Variants in NOS1AP observed in about 807,000 individuals in gnomAD.
NOS1AP encodes carboxyl-terminal PDZ ligand of neuronal nitric oxide synthase protein.
A neutral mutation model predicts 56.2 loss-of-function variants in NOS1AP; 21 were observed. That is an observed-to-expected ratio of 0.37 (90% CI 0.26 to 0.54). The LOEUF (loss-of-function observed/expected upper bound fraction) is 0.54, where lower values mean the gene tolerates loss of function less well. NOS1AP is among the 20% of genes least tolerant of loss of function. The pLI, the probability that NOS1AP is intolerant of heterozygous loss-of-function variation, is 0.84. For missense variants in NOS1AP, 522 were observed against 657.8 expected (o/e 0.79, Z 2.26); for synonymous variants, 270 against 274.6 (o/e 0.98, Z 0.17).
At position 162,152,722 on chromosome 1, in the gene NOS1AP, A is replaced by AT. The variant is rs572439478; in HGVS notation, c.106-1683_106-1682insT. ...CTGTGTTCTTCAGTGTATTAGCACA[A>AT]ACTGTTGATCAATACTAGGGGAAAT... On this transcript the variant is annotated intron_variant, in intron 1 of 9. Coordinates refer to ENST00000361897, the MANE Select transcript of NOS1AP (RefSeq NM_014697.3). Among the ~76,000 whole-genome samples, 389 of 152,352 alleles carry AT rather than the reference A, an allele frequency of 2.6e-3. 1 individual carries two copies. Among genetic ancestry groups the AT allele is most frequent in the Admixed American group, 9.9e-3 (152 of 15,310 alleles).
At chr1:162,194,772 G>A (rs1651753019) in intron 2 of NOS1AP, among the ~76,000 whole-genome samples, 1 of 152,120 alleles carries the variant, frequency 6.6e-6, no homozygotes, top group Non-Finnish European at 1.5e-5. Flanking sequence ...ACACAGAAGG[G>A]GAGGCAAGAG....
chr1:162,216,869 A>G (rs754526801), intron 2 of NOS1AP, among the ~76,000 whole-genome samples: 1 of 152,218 alleles, frequency 6.6e-6, no homozygotes, highest in Non-Finnish European at 1.5e-5. Flanking sequence ...AATGAGTAAG[A>G]CAGCATAGCA....
chr1:162,355,417 C>T, intron 7 of NOS1AP, 64 bp downstream of exon 7: 3 of 1,598,654 alleles, frequency 1.9e-6, no homozygotes, highest in Non-Finnish European at 2.6e-6. Context: ...TCAGTCACTT[C>T]CTAGCCCCTG....
At chr1:162,221,389 C>T (rs1259972068) in intron 2 of NOS1AP, among the ~76,000 whole-genome samples, 1 of 152,130 alleles carries the variant, frequency 6.6e-6, no homozygotes, top group South Asian at 2.1e-4. Context: ...TAAATTACAA[C>T]TAGAATCTTT....
intron 2 of NOS1AP, among the ~76,000 whole-genome samples, chr1:162,168,012 A>AAT (rs1650583217): frequency 8.6e-5 from 13 of 152,014 alleles, no homozygotes. Context: ...AAAAAAAAAA[A>AAT]ATACCAGTGA....
At chr1:162,084,836 A>G (rs900145271) in intron 1 of NOS1AP, among the ~76,000 whole-genome samples, 1 of 151,798 alleles carries the variant, frequency 6.6e-6, no homozygotes. Flanking sequence ...TGGCCTGGCT[A>G]AATTTTGGAT....
At chr1:162,093,989 CT>C (rs1373439670) in intron 1 of NOS1AP, among the ~76,000 whole-genome samples, 4 of 152,186 alleles carry the variant, frequency 2.6e-5, no homozygotes, top group Non-Finnish European at 5.9e-5. Context: ...TCTAATGTTC[CT>C]TCTGGCAGCC....
intron 2 of NOS1AP, among the ~76,000 whole-genome samples, chr1:162,165,335 A>T (rs983780028): frequency 4.6e-5 from 7 of 152,084 alleles, no homozygotes; most frequent in Non-Finnish European, 8.8e-5. Flanking sequence ...AAAAAGAAAG[A>T]CTTCCTCAAA....
chr1:162,141,610 C>T (rs78694717), intron 1 of NOS1AP, among the ~76,000 whole-genome samples: 11,700 of 152,266 alleles, frequency 0.077, 676 homozygotes, highest in East Asian at 0.21. Context: ...TTTCACTGAT[C>T]GCCCTTGTGT....
chr1:162,223,952 G>A (rs148663197), intron 2 of NOS1AP, among the ~76,000 whole-genome samples: 152 of 152,288 alleles, frequency 1.0e-3, no homozygotes, highest in African/African-American at 3.5e-3. Context: ...TGGATACGGT[G>A]CATGGATCAT....
In NOS1AP at chr1:162,154,501, T is replaced by C. The variant is rs1482257579; in HGVS notation, c.177+25T>C. Reference sequence around the variant, plus strand: ...GGTGAGTGGCCAGAGGTGGACTGTGTGGAGCGGGGAGTCAAGTGCCTTAGC... The same window carrying C: ...GGTGAGTGGCCAGAGGTGGACTGTGCGGAGCGGGGAGTCAAGTGCCTTAGC... On this transcript the variant is annotated intron_variant, in intron 2 of 9. Transcript: ENST00000361897. 6 of 1,612,450 alleles carry C rather than the reference T, an allele frequency of 3.7e-6. 1 individual carries two copies. The South Asian group carries it at 6.6e-5, about 18-fold the overall frequency.
chr1:162,149,355 C>T (rs1037181634), intron 1 of NOS1AP, among the ~76,000 whole-genome samples: 3 of 151,992 alleles, frequency 2.0e-5, no homozygotes, highest in Non-Finnish European at 4.4e-5. Flanking sequence ...GGAGGGTCTG[C>T]CTGAGTTCAG....
chr1:162,327,080 C>T (rs1037645007), intron 4 of NOS1AP, among the ~76,000 whole-genome samples: 1 of 152,132 alleles, frequency 6.6e-6, no homozygotes, highest in Non-Finnish European at 1.5e-5. Flanking sequence ...ACCCTGAATG[C>T]ATTAGGCTTA....
Position 162,333,034 on chromosome 1 carries a change from A to T in NOS1AP, c.362A>T (p.His121Leu). Residue 121 changes from histidine to leucine, a missense_variant, in exon 5 of 10, where the codon CAT becomes CTT. By Grantham distance (99) the His-to-Leu change is moderately conservative. This residue lies in a region of NOS1AP where 132 missense variants were observed against 218.1 expected (regional missense o/e 0.61). Coordinates refer to ENST00000361897, the MANE Select transcript of NOS1AP (RefSeq NM_014697.3). The stretch of plus-strand genomic sequence containing the variant: ...TCCTTTAGGATCTTCTATGTCTCTC[A>T]TGATTCCCAAGACTTGAAGATCTTC... ...DPIYRIFYVS[H>L]DSQDLKIFSY... 3 of 1,613,426 alleles carry T rather than the reference A, an allele frequency of 1.9e-6. No individual in the cohort carries two copies. The highest frequency in any genetic ancestry group is 2.5e-6 in the Non-Finnish European group (3 of 1,179,420).
intron 2 of NOS1AP, among the ~76,000 whole-genome samples, chr1:162,172,744 A>G (rs1338861867): frequency 2.0e-5 from 3 of 152,016 alleles, no homozygotes; most frequent in Non-Finnish European, 4.4e-5. Flanking sequence ...GTTTGTTTTC[A>G]TCTCAAGGTT....
intron 4 of NOS1AP, among the ~76,000 whole-genome samples, chr1:162,315,231 G>A (rs973955706): frequency 3.3e-5 from 5 of 152,186 alleles, no homozygotes; most frequent in African/African-American, 1.2e-4. Flanking sequence ...AACCCCAAAG[G>A]TAAATAAAGA....
intron 2 of NOS1AP, among the ~76,000 whole-genome samples, chr1:162,233,279 A>G (rs4657177): frequency 0.034 from 5,234 of 152,244 alleles, 126 homozygotes; most frequent in Middle Eastern, 0.051. Flanking sequence ...AGAGCTTGCT[A>G]AGTAGCTCCT....
At chr1:162,255,617 G>A (rs961164477) in intron 2 of NOS1AP, among the ~76,000 whole-genome samples, 52 of 147,692 alleles carry the variant, frequency 3.5e-4, no homozygotes, top group African/African-American at 1.3e-3. Flanking sequence ...ATGCTGATCA[G>A]GGCAGGCATC....
At position 162,281,614 on chromosome 1, in the gene NOS1AP, G is replaced by T. The variant is rs150486934; in HGVS notation, c.178-5730G>T. ...AACAAGAGTTCACCAGGCAGATGGT[G>T]TGGGGAGGGCATTTTAGGCATAGGG... On this transcript the variant is annotated intron_variant, in intron 2 of 9. Transcript: ENST00000361897. Among the ~76,000 whole-genome samples, 3 of 152,318 alleles carry T rather than the reference G, an allele frequency of 2.0e-5. No individual in the cohort carries two copies. In the East Asian group the frequency reaches 5.8e-4, roughly 29 times the overall value.
Sources: allele counts gnomAD v4.1 joint callset (sites outside exome capture counted in the v4.1 genomes callset), GRCh38; gene constraint gnomAD v4.1.1; regional missense constraint gnomAD v4.1.1; transcripts MANE v1.5; gene names NCBI Gene and HGNC (gene_info 2026-07-23, HGNC 2026-07-21).